The following BRF1 variants were observed in gnomAD, a reference collection of about 807,000 sequenced individuals.
The protein encoded by BRF1 is BRF1 general transcription factor IIIB subunit, also known as transcription factor IIIB 90 kDa subunit.
Under a neutral mutation model 81.7 loss-of-function variants are expected in BRF1, and 59 were observed. The ratio of observed to expected loss-of-function variants is 0.72; its 90% CI spans 0.59 to 0.90. The LOEUF is 0.90. BRF1 is among the 40% of genes least tolerant of loss of function. BRF1 has a pLI of 0.00. For missense variants in BRF1, 1,050 were observed against 936.3 expected (o/e 1.12, Z -1.58); for synonymous variants, 491 against 395.6 (o/e 1.24, Z -2.86).
chr14:105,220,812 C>T (rs1595277650), intron 11 of BRF1, among the ~76,000 whole-genome samples: 1 of 152,216 alleles, frequency 6.6e-6, no homozygotes, highest in Non-Finnish European at 1.5e-5. Context: ...GCTCCAGGGC[C>T]GAGGCCAGAG....
Position 105,258,749 on chromosome 14 carries a change from A to G in BRF1, c.440-2200T>C, listed in dbSNP as rs587594325. ...AGGAAGCAGAAGTTGCAGTAAGCAA[A>G]TATCGCACCACTGCACTCCAGCCTG... On this transcript the variant is annotated intron_variant, in intron 3 of 17. Coordinates refer to ENST00000547530, the MANE Select transcript of BRF1 (RefSeq NM_001519.4). 9.5e-3 allele frequency among the ~76,000 whole-genome samples: 1,448 copies of G among 152,128 alleles called. 23 individuals carry two copies. The highest frequency in any genetic ancestry group is 0.029 in the African/African-American group (1,210 of 41,468).
chr14:105,293,870 C>T (rs1473387234), intron 1 of BRF1, among the ~76,000 whole-genome samples: 1 of 152,200 alleles, frequency 6.6e-6, no homozygotes, highest in Non-Finnish European at 1.5e-5. Flanking sequence ...GAGTAAACTG[C>T]GAAGCTGTAT....
intron 2 of BRF1, among the ~76,000 whole-genome samples, chr14:105,273,407 C>A (rs1006949369): frequency 6.6e-6 from 1 of 152,222 alleles, no homozygotes; most frequent in Non-Finnish European, 1.5e-5. Context: ...GCCAGCCACC[C>A]GGCCTGAGAA....
intron 1 of BRF1, among the ~76,000 whole-genome samples, chr14:105,295,603 C>T (rs2057703538): frequency 6.6e-6 from 1 of 151,408 alleles, no homozygotes; most frequent in African/African-American, 2.4e-5. Flanking sequence ...ACCCTAGACC[C>T]TGTCTCCCCA....
At chr14:105,215,875 CGCT>C (rs777585719) in intron 15 of BRF1, among the ~76,000 whole-genome samples, 7 of 139,100 alleles carry the variant, frequency 5.0e-5, no homozygotes, top group Non-Finnish European at 1.1e-4. Flanking sequence ...TGCACACACA[CGCT>C]GCAGGCATAC....
intron 5 of BRF1, chr14:105,248,162 T>C (rs2055254126): frequency 7.1e-6 from 7 of 985,466 alleles, no homozygotes; most frequent in Non-Finnish European, 8.4e-6. Flanking sequence ...GACCGCGCTC[T>C]CTGCAAGCGC....
chr14:105,218,239 G>A (rs993071281), intron 14 of BRF1, among the ~76,000 whole-genome samples: 2 of 152,194 alleles, frequency 1.3e-5, no homozygotes, highest in Admixed American at 6.5e-5. Flanking sequence ...CCAGCTGCCC[G>A]AAGACCCTGG....
At chr14:105,301,948 C>T (rs925425045), upstream of BRF1, among the ~76,000 whole-genome samples, 4 of 152,106 alleles carry the variant, frequency 2.6e-5, no homozygotes, top group Non-Finnish European at 2.9e-5. Context: ...ACCAGCCTGG[C>T]CAACATGGCG....
At chr14:105,286,692 G>A (rs587617663) in intron 1 of BRF1, among the ~76,000 whole-genome samples, 8 of 152,110 alleles carry the variant, frequency 5.3e-5, no homozygotes, top group East Asian at 3.9e-4. Flanking sequence ...TGCAAGCTCC[G>A]CCTCCTGGGT....
At chr14:105,245,739 G>A (rs1177956409) in intron 5 of BRF1, among the ~76,000 whole-genome samples, 1 of 152,174 alleles carries the variant, frequency 6.6e-6, no homozygotes, top group East Asian at 1.9e-4. Flanking sequence ...AATAAAGATA[G>A]ACCCTTACCT....
chr14:105,210,133 G>A lies in BRF1; in HGVS notation c.*418C>T, dbSNP rs1173478025. 8.3e-6 allele frequency: 2 copies of A among 242,040 alleles called. No homozygotes were observed. The highest frequency in any genetic ancestry group is 1.6e-5 in the Non-Finnish European group (2 of 124,666). 15.0% of individuals were successfully genotyped at this position (242,040 alleles called of 1,614,324 possible). A position where few individuals can be genotyped will look rare whatever the true frequency, so the allele number is the denominator to read the frequency against. ...CTGCTCAGGAGGGGACGGTGCGGAG[G>A]GTGGGCTGGAGACTCCAGAGCTGGT... On this transcript the variant is annotated 3_prime_UTR_variant, in exon 18 of 18. Coordinates refer to ENST00000547530, the MANE Select transcript of BRF1 (RefSeq NM_001519.4). This position sits in a 1 kb window ranked among gnomAD's most constrained non-coding sequence, Gnocchi z 4.7.
At chr14:105,262,127 TG>T (rs1477620772) in intron 3 of BRF1, among the ~76,000 whole-genome samples, 2 of 152,212 alleles carry the variant, frequency 1.3e-5, no homozygotes, top group African/African-American at 4.8e-5. Flanking sequence ...GCAGGCAGAC[TG>T]GGCATCCTCA....
At chr14:105,217,838 C>T (rs760391260) in intron 14 of BRF1, 38 bp from the exon 15 acceptor site, 8 of 1,599,480 alleles carry the variant, frequency 5.0e-6, no homozygotes, top group South Asian at 2.2e-5. Flanking sequence ...CCGTGAGTCA[C>T]GCCCACTGCA....
intron 6 of BRF1, 54 bp from the exon 7 acceptor site, chr14:105,228,967 T>A (rs908960427): frequency 6.5e-7 from 1 of 1,532,958 alleles, no homozygotes; most frequent in Non-Finnish European, 9.0e-7. Flanking sequence ...CAGGGCAACA[T>A]CTGTGGCGGC....
At chr14:105,248,529 T>A in intron 5 of BRF1, 8 of 935,468 alleles carry the variant, frequency 8.6e-6, no homozygotes, top group Non-Finnish European at 9.9e-6. Context: ...GGCGCGGCCC[T>A]GACGCAGCGT....
rs2057976837 is a variant in BRF1 at position 105,300,719 on chromosome 14, C to CAGCCGCCCAGGCCT, written c.-104_-91dup. 2.9e-6 allele frequency: 3 copies of CAGCCGCCCAGGCCT among 1,046,104 alleles called. No individual in the cohort carries two copies. Among genetic ancestry groups the CAGCCGCCCAGGCCT allele is most frequent in the Non-Finnish European group, 2.4e-6 (2 of 824,742 alleles). 64.8% of individuals were successfully genotyped at this position (1,046,104 alleles called of 1,614,324 possible). On this transcript the variant is annotated 5_prime_UTR_variant, in exon 1 of 18. Coordinates refer to ENST00000547530, the MANE Select transcript of BRF1 (RefSeq NM_001519.4). ...GCAGCCCGCGCCGCCCGCCCAGGCC[C>CAGCCGCCCAGGCCT]AGCCGCCCAGGCCTCGCCGCTCTCG...
intron 1 of BRF1, among the ~76,000 whole-genome samples, chr14:105,296,643 T>C (rs587644296): frequency 6.9e-6 from 1 of 145,840 alleles, no homozygotes; most frequent in East Asian, 2.0e-4. Context: ...ATGGTGCCAC[T>C]GCACTCCAGC....
At position 105,229,028 on chromosome 14, in the gene BRF1, G is replaced by A. The variant is rs587747177; in HGVS notation, c.695-115C>T. Reference sequence around the variant, plus strand: ...CACGGAGATGATGGCCTGAGAAGACGTGTCTGTGCCAGGCAGTGAGACCCT... The same window carrying A: ...CACGGAGATGATGGCCTGAGAAGACATGTCTGTGCCAGGCAGTGAGACCCT... On this transcript the variant is annotated intron_variant, in intron 6 of 17. Coordinates refer to ENST00000547530, the MANE Select transcript of BRF1 (RefSeq NM_001519.4). The A allele has an allele frequency of 1.3e-3, 1,242 of 929,396 alleles. 1 individual carries two copies. The highest frequency in any genetic ancestry group is 1.6e-3 in the Non-Finnish European group (914 of 578,128). 57.6% of individuals were successfully genotyped at this position (929,396 alleles called of 1,614,324 possible).
At chr14:105,249,299 CGTGT>C (rs750002783) in intron 5 of BRF1, 1 of 1,580,456 alleles carries the variant, frequency 6.3e-7, no homozygotes, top group African/African-American at 1.3e-5. Context: ...CCCCGTCCGC[CGTGT>C]GGCTGACACG....
Sources: gnomAD v4.1 joint callset for allele counts (sites outside exome capture counted in the v4.1 genomes callset) on GRCh38, gnomAD v4.1.1 for gene constraint, Gnocchi (gnomAD v3.1) non-coding constraint, MANE v1.5 for transcripts, NCBI Gene and HGNC (gene_info 2026-07-23, HGNC 2026-07-21) for gene names.